The following ADGRL3 variants were observed in gnomAD, a reference collection of about 807,000 sequenced individuals.
ADGRL3 encodes the protein calcium-independent alpha-latrotoxin receptor 3.
Under a neutral mutation model 153.5 loss-of-function variants are expected in ADGRL3, and 62 were observed. The observed-to-expected ratio is 0.40, with a 90% CI of 0.33 to 0.50. The LOEUF is 0.50. ADGRL3 is among the 20% of genes least tolerant of loss of function. ADGRL3 has a pLI of 0.47. For synonymous variants in ADGRL3, 710 were observed against 672.5 expected, an observed-to-expected ratio of 1.06 and a Z score of -0.86; for missense variants, 1,641 against 1,859.4, an observed-to-expected ratio of 0.88 and a Z score of 2.16.
At chr4:61,423,683 T>TGAG (rs2097239497) in intron 2 of ADGRL3, among the ~76,000 whole-genome samples, 1 of 152,108 alleles carries the variant, frequency 6.6e-6, no homozygotes, top group Non-Finnish European at 1.5e-5. Flanking sequence ...CTGGGATTAG[T>TGAG]AGGAGAGGGT....
intron 5 of ADGRL3, among the ~76,000 whole-genome samples, chr4:61,603,763 T>C (rs939679403): frequency 2.6e-5 from 4 of 152,052 alleles, no homozygotes; most frequent in South Asian, 2.1e-4. Context: ...TTCCCTGACA[T>C]CTGGGATTCA....
intron 1 of ADGRL3, among the ~76,000 whole-genome samples, chr4:61,307,403 G>GT (rs1282966361): frequency 3.3e-5 from 5 of 152,094 alleles, no homozygotes; most frequent in African/African-American, 4.8e-5. Context: ...AAATGTCAGT[G>GT]TTAGTAAGTA....
At chr4:61,718,412 T>TA (rs1224671956) in intron 6 of ADGRL3, among the ~76,000 whole-genome samples, 1 of 152,210 alleles carries the variant, frequency 6.6e-6, no homozygotes, top group Non-Finnish European at 1.5e-5. Context: ...AAGCAGTCGT[T>TA]AAACATATAC....
chr4:61,673,814 T>C (rs969460909), intron 5 of ADGRL3, among the ~76,000 whole-genome samples: 1 of 151,160 alleles, frequency 6.6e-6, no homozygotes, highest in African/African-American at 2.4e-5. Flanking sequence ...TAATGAACTT[T>C]TGATATAAAC....
intron 9 of ADGRL3, among the ~76,000 whole-genome samples, chr4:61,822,718 T>C (rs1461341701): frequency 6.6e-6 from 1 of 152,172 alleles, no homozygotes; most frequent in Non-Finnish European, 1.5e-5. Context: ...GAGAGTAGAA[T>C]GATCTGGTAG....
intron 6 of ADGRL3, among the ~76,000 whole-genome samples, chr4:61,692,616 G>T (rs139494503): frequency 6.6e-6 from 1 of 151,732 alleles, no homozygotes; most frequent in Non-Finnish European, 1.5e-5. Context: ...GCTAATTTTT[G>T]TATTTGTAGT....
intron 8 of ADGRL3, among the ~76,000 whole-genome samples, chr4:61,751,631 A>G (rs1310152786): frequency 6.6e-6 from 1 of 152,182 alleles, no homozygotes; most frequent in Non-Finnish European, 1.5e-5. Flanking sequence ...AAACGATTTA[A>G]TTATTGGAGG....
chr4:61,424,149 A>G (rs1396853746), intron 2 of ADGRL3, among the ~76,000 whole-genome samples: 1 of 152,130 alleles, frequency 6.6e-6, no homozygotes, highest in Non-Finnish European at 1.5e-5. Context: ...TCACAGTGTC[A>G]GTGATACATT....
chr4:61,226,924 A>T (rs1748232376), intron 1 of ADGRL3, among the ~76,000 whole-genome samples: 1 of 152,248 alleles, frequency 6.6e-6, no homozygotes, highest in South Asian at 2.1e-4. Flanking sequence ...ACTCTCATGA[A>T]GAATAAATGG....
intron 11 of ADGRL3, among the ~76,000 whole-genome samples, chr4:61,906,656 T>C (rs1168059599): frequency 6.6e-6 from 1 of 152,106 alleles, no homozygotes; most frequent in Admixed American, 6.6e-5. Context: ...CTACCAATAG[T>C]AGTTTATGGA....
intron 5 of ADGRL3, among the ~76,000 whole-genome samples, chr4:61,603,108 G>A (rs533735817): frequency 3.9e-5 from 6 of 152,114 alleles, no homozygotes; most frequent in African/African-American, 1.4e-4. Context: ...ATTGTCTCAC[G>A]GTGACATTTC....
chr4:61,690,018 C>T (rs540713134), intron 6 of ADGRL3, among the ~76,000 whole-genome samples: 1 of 152,236 alleles, frequency 6.6e-6, no homozygotes, highest in Admixed American at 6.5e-5. Flanking sequence ...TCGCTACACA[C>T]TAACCATTTG....
At chr4:61,303,175 A>T (rs2094639893) in intron 1 of ADGRL3, among the ~76,000 whole-genome samples, 1 of 152,220 alleles carries the variant, frequency 6.6e-6, no homozygotes, top group Non-Finnish European at 1.5e-5. Context: ...TGGTTTGGAT[A>T]ACTAATTGCA....
At chr4:61,711,698 GTGCAC>G (rs1338605262) in intron 6 of ADGRL3, among the ~76,000 whole-genome samples, 1 of 151,476 alleles carries the variant, frequency 6.6e-6, no homozygotes, top group Non-Finnish European at 1.5e-5. Flanking sequence ...GAAAACAAAA[GTGCAC>G]TACAAAAACA....
intron 4 of ADGRL3, among the ~76,000 whole-genome samples, chr4:61,532,371 AC>A (rs1314634882): frequency 6.6e-6 from 1 of 152,080 alleles, no homozygotes; most frequent in Non-Finnish European, 1.5e-5. Flanking sequence ...AACAGCTGTG[AC>A]CTTCAAGAGC....
intron 6 of ADGRL3, among the ~76,000 whole-genome samples, chr4:61,711,489 T>TATATATATATAC (rs1216182444): frequency 9.3e-6 from 1 of 107,942 alleles, no homozygotes; most frequent in African/African-American, 3.4e-5. Flanking sequence ...TATATATATA[T>TATATATATATAC]ATACACACAC....
intron 6 of ADGRL3, among the ~76,000 whole-genome samples, chr4:61,722,259 A>T (rs905378263): frequency 6.6e-6 from 1 of 152,210 alleles, no homozygotes; most frequent in Non-Finnish European, 1.5e-5. Flanking sequence ...AAGTTAGTTT[A>T]TTTCTGATAG....
intron 9 of ADGRL3, among the ~76,000 whole-genome samples, chr4:61,882,426 G>T (rs548985388): frequency 1.3e-4 from 20 of 152,186 alleles, no homozygotes; most frequent in African/African-American, 4.8e-4. Context: ...CAGATGTTTA[G>T]CCAAATAGGT....
intron 11 of ADGRL3, among the ~76,000 whole-genome samples, chr4:61,908,466 G>A (rs562741195): frequency 2.1e-3 from 323 of 151,824 alleles, no homozygotes; most frequent in African/African-American, 7.5e-3. Context: ...GCATGGTGGC[G>A]GGCGCCTGTA....
Sources: allele counts gnomAD v4.1 joint callset (sites outside exome capture counted in the v4.1 genomes callset), GRCh38; gene constraint gnomAD v4.1.1; transcripts MANE v1.5; gene names NCBI Gene and HGNC (gene_info 2026-07-23, HGNC 2026-07-21).